YWHAQ: variants seen among roughly 807,000 people sequenced by gnomAD.
The protein encoded by YWHAQ is tyrosine 3-monooxygenase/tryptophan 5-monooxygenase activation protein theta, also known as 14-3-3 protein theta.
A neutral mutation model predicts 28.3 loss-of-function variants in YWHAQ; 6 were observed. That is an observed-to-expected ratio of 0.21 (90% CI 0.12 to 0.42). The LOEUF (loss-of-function observed/expected upper bound fraction) is 0.42, where lower values mean the gene tolerates loss of function less well. Among genes scored for constraint, YWHAQ ranks in the 10% least tolerant of loss-of-function variants. The pLI is 1.00. For synonymous variants in YWHAQ, 143 were observed against 119.1 expected (o/e 1.20, Z -1.31); for missense variants, 201 against 305.6 (o/e 0.66, Z 2.55).
At chr2:9,604,827 G>A (rs1363417052) in intron 2 of YWHAQ, among the ~76,000 whole-genome samples, 1 of 152,166 alleles carries the variant, frequency 6.6e-6, no homozygotes, top group East Asian at 1.9e-4. Context: ...CAGTAATTCT[G>A]AAGCACTAAA....
In YWHAQ at chr2:9,630,396, G is replaced by A. The variant is rs1667339878; in HGVS notation, c.57C>T (p.Tyr19=). 4.3e-6 allele frequency: 7 copies of A among 1,613,736 alleles called. No individual in the cohort carries two copies. The East Asian group carries it at 1.3e-4, about 31-fold the overall frequency. The change falls in exon 2 of 6, where the codon TAC becomes TAT. Residue 19 remains tyrosine, a synonymous_variant. Transcript: ENST00000238081. The surrounding 1 kb of genome is among the most constrained non-coding windows in gnomAD (Gnocchi z 5.6). ...KAKLAEQAER[Y]DDMATCMKAV... ...CCTTCATGCAGGTGGCCATGTCGTC[G>A]TAGCGCTCGGCCTGCTCGGCCAGCT...
Position 9,593,976 on chromosome 2 carries a change from AACAC to A in YWHAQ, c.295-2465_295-2462del, listed in dbSNP as rs371022884. Among the ~76,000 whole-genome samples the A allele has an allele frequency of 4.3e-3, 621 of 145,830 alleles. 1 individual carries two copies. Among genetic ancestry groups the A allele is most frequent in the African/African-American group, 7.2e-3 (284 of 39,334 alleles). ...AGGGCCTGAGGCCAGAGGAAGTTAA[AACAC>A]ACACACACACACACACACACGCACG... On this transcript the variant is annotated intron_variant, in intron 2 of 5. Transcript: ENST00000238081.
rs112750534 is a variant in YWHAQ, at chr2:9,585,025, A to G, written c.*261T>C. 112 of 456,252 alleles carry G rather than the reference A, an allele frequency of 2.5e-4. No individual in the cohort carries two copies. Among genetic ancestry groups the G allele is most frequent in the South Asian group, 2.4e-3 (76 of 32,182 alleles). The allele number at this position is 456,252 out of a possible 1,614,324, so 28.3% of individuals were successfully genotyped here. The stretch of plus-strand genomic sequence containing the variant: ...ACCAGATACATTTTTAGTCCTCTAC[A>G]TAAGTGTTTGGGAGTTACTTATGTT... On this transcript the variant is annotated 3_prime_UTR_variant, in exon 6 of 6. Transcript: ENST00000238081.
At chr2:9,624,535 G>A (rs192434462) in intron 2 of YWHAQ, among the ~76,000 whole-genome samples, 1 of 151,970 alleles carries the variant, frequency 6.6e-6, no homozygotes, top group Admixed American at 6.5e-5. Context: ...GGGGGGCTGG[G>A]GTCTTCGTTG....
rs200376025 is a variant in YWHAQ, at chr2:9,585,308, G to C, written c.716C>G (p.Ala239Gly). ...GATTTAGTTTTCAGCCCCTTCTGCC[G>C]CATCACATTCTTCTCCTGCACTGTC... The part of the protein sequence containing the change: ...TSDSAGEECD[A>G]AEGAEN The change falls in exon 6 of 6, where the codon GCG becomes GGG. Residue 239 changes from alanine (A) to glycine (G), a missense_variant. This residue lies in a region of YWHAQ where 39 missense variants were observed against 91.7 expected (regional missense o/e 0.43). Transcript: ENST00000238081. The C allele has an allele frequency of 6.2e-7, 1 of 1,614,026 alleles. No individual in the cohort carries two copies. Among genetic ancestry groups the C allele is most frequent in the Non-Finnish European group, 8.5e-7 (1 of 1,179,960 alleles).
chr2:9,600,260 C>T lies in YWHAQ; in HGVS notation c.295-8745G>A, dbSNP rs568663742. ...GAAGGATCTACTTCTGGTGAAGATG[C>T]CATTAACACCGTTGAAATGACAACA... is the stretch of plus-strand genomic sequence containing the variant. On this transcript the variant is annotated intron_variant, in intron 2 of 5. Transcript: ENST00000238081. 2.6e-5 allele frequency among the ~76,000 whole-genome samples: 4 copies of T among 152,258 alleles called. No individual in the cohort carries two copies. In the South Asian group the frequency reaches 8.3e-4, roughly 32 times the overall value.
At chr2:9,605,711 C>A (rs1396625477) in intron 2 of YWHAQ, among the ~76,000 whole-genome samples, 1 of 151,724 alleles carries the variant, frequency 6.6e-6, no homozygotes, top group Non-Finnish European at 1.5e-5. Context: ...CAGGTGTGCA[C>A]CACCATGACC....
chr2:9,606,787 G>A (rs1666839014), intron 2 of YWHAQ, among the ~76,000 whole-genome samples: 1 of 151,932 alleles, frequency 6.6e-6, no homozygotes, highest in Admixed American at 6.6e-5. Flanking sequence ...TTACTGCTTT[G>A]TAGGAACTCT....
In YWHAQ at chr2:9,630,041, C is replaced by G. The variant is rs535335896; in HGVS notation, c.294+118G>C. The G allele has an allele frequency of 1.3e-4, 180 of 1,381,752 alleles. No individual in the cohort carries two copies. Among genetic ancestry groups the G allele is most frequent in the Non-Finnish European group, 1.7e-4 (173 of 1,015,208 alleles). The allele number at this position is 1,381,752 out of a possible 1,614,324, so 85.6% of individuals were successfully genotyped here. ...GGGAAGTCAGGGCTCACCTAAAACC[C>G]TCCACCCCAGCAGACAGTCCGGCAA... On this transcript the variant is annotated intron_variant, in intron 2 of 5. Transcript: ENST00000238081. This position sits in a 1 kb window ranked among gnomAD's most constrained non-coding sequence, Gnocchi z 5.6.
At chr2:9,590,951 T>TA (rs1558541235) in intron 3 of YWHAQ, among the ~76,000 whole-genome samples, 1 of 152,184 alleles carries the variant, frequency 6.6e-6, no homozygotes, top group East Asian at 1.9e-4. Flanking sequence ...AAATAGACGA[T>TA]AATGAATATG....
At chr2:9,586,573 A>G (rs1371813004) in intron 5 of YWHAQ, among the ~76,000 whole-genome samples, 1 of 152,208 alleles carries the variant, frequency 6.6e-6, no homozygotes, top group East Asian at 1.9e-4. Context: ...TTTGCTGATC[A>G]TCTTCCATTG....
At chr2:9,598,940 C>T (rs1306592284) in intron 2 of YWHAQ, among the ~76,000 whole-genome samples, 1 of 152,200 alleles carries the variant, frequency 6.6e-6, no homozygotes, top group Non-Finnish European at 1.5e-5. Context: ...AAAGCCAAGA[C>T]AAGCTAAAGC....
intron 2 of YWHAQ, among the ~76,000 whole-genome samples, chr2:9,607,206 T>TC (rs1666848515): frequency 7.4e-6 from 1 of 134,612 alleles, no homozygotes; most frequent in East Asian, 2.1e-4. Context: ...CTTTTTTTTT[T>TC]CTTTTTTTTT....
chr2:9,593,693 T>C (rs925938953), intron 2 of YWHAQ, among the ~76,000 whole-genome samples: 1 of 151,554 alleles, frequency 6.6e-6, no homozygotes, highest in African/African-American at 2.4e-5. Context: ...TTAGGTGTGG[T>C]GGCATACACC....
intron 2 of YWHAQ, among the ~76,000 whole-genome samples, chr2:9,606,885 T>C (rs1330272549): frequency 2.0e-5 from 3 of 151,946 alleles, no homozygotes; most frequent in East Asian, 1.9e-4. Context: ...ATTTAATATT[T>C]TTCTTTTTTT....
chr2:9,616,845 GA>G (rs1380386293), intron 2 of YWHAQ, among the ~76,000 whole-genome samples: 1 of 152,184 alleles, frequency 6.6e-6, no homozygotes, highest in East Asian at 1.9e-4. Flanking sequence ...CAAGAGAAAT[GA>G]AAACATGCCC....
chr2:9,617,085 C>A (rs922792594), intron 2 of YWHAQ, among the ~76,000 whole-genome samples: 2 of 151,620 alleles, frequency 1.3e-5, no homozygotes, highest in Admixed American at 1.3e-4. Flanking sequence ...CTCAGCCTCC[C>A]GAGTAGCTGG....
At chr2:9,615,935 T>TGA (rs1300287591) in intron 2 of YWHAQ, among the ~76,000 whole-genome samples, 1 of 152,162 alleles carries the variant, frequency 6.6e-6, no homozygotes, top group African/African-American at 2.4e-5. Flanking sequence ...TACCCATAAC[T>TGA]GCACACTGGA....
chr2:9,622,593 G>T (rs527901822), intron 2 of YWHAQ, among the ~76,000 whole-genome samples: 1 of 152,098 alleles, frequency 6.6e-6, no homozygotes, highest in Non-Finnish European at 1.5e-5. Context: ...GGAATTTCTA[G>T]GGGAGGAAAA....
Sources: allele counts gnomAD v4.1 joint callset (sites outside exome capture counted in the v4.1 genomes callset), GRCh38; gene constraint gnomAD v4.1.1; regional missense constraint gnomAD v4.1.1; non-coding constraint Gnocchi (gnomAD v3.1); transcripts MANE v1.5; gene names NCBI Gene and HGNC (gene_info 2026-07-23, HGNC 2026-07-21).